Variants in ASH1L observed in about 807,000 individuals in gnomAD.
ASH1L encodes histone-lysine N-methyltransferase ASH1L.
ASH1L carries 23 observed loss-of-function variants against 269.0 expected under a neutral mutation model. The ratio of observed to expected loss-of-function variants is 0.09; its 90% CI spans 0.06 to 0.12. The LOEUF (loss-of-function observed/expected upper bound fraction) is 0.12. Ranked by LOEUF, ASH1L falls within the 10% of genes least tolerant of loss-of-function variation. ASH1L has a pLI of 1.00. For synonymous variants in ASH1L, 1,187 were observed against 1,253.5 expected, an observed-to-expected ratio of 0.95 and a Z score of 1.12; for missense variants, 2,912 against 3,567.8, an observed-to-expected ratio of 0.82 and a Z score of 4.68.
intron 12 of ASH1L, among the ~76,000 whole-genome samples, chr1:155,367,154 C>T (rs368308666): frequency 1.3e-5 from 2 of 151,800 alleles, no homozygotes; most frequent in African/African-American, 2.4e-5. Context: ...CCACCATGCC[C>T]GGCTAATTTT....
At chr1:155,491,427 A>G (rs1666777597) in intron 2 of ASH1L, among the ~76,000 whole-genome samples, 1 of 152,112 alleles carries the variant, frequency 6.6e-6, no homozygotes, top group Non-Finnish European at 1.5e-5. Context: ...TCAAATACTT[A>G]TGAAAAACTG....
chr1:155,481,764 T>C lies in ASH1L; in HGVS notation c.1106A>G (p.Asn369Ser). 6.2e-7 allele frequency: 1 copy of C among 1,614,208 alleles called. No individual in the cohort carries two copies. Among genetic ancestry groups the C allele is most frequent in the Non-Finnish European group, 8.5e-7 (1 of 1,180,020 alleles). The change falls in exon 3 of 28, where the codon AAT becomes AGT. Residue 369 changes from asparagine (N) to serine (S), a missense_variant. Asn to Ser is a conservative substitution (Grantham distance 46). This residue lies in a region of ASH1L where 277 missense variants were observed against 367.7 expected (regional missense o/e 0.75). Transcript: ENST00000392403. ...ACCCAATTTCTTTCCCAAATCTTTATTAACCAGTCCAACCACAGTGCCAAG... is the reference window on the plus strand; with the variant it reads ...ACCCAATTTCTTTCCCAAATCTTTACTAACCAGTCCAACCACAGTGCCAAG... ...LGLGTVVGLV[N>S]KDLGKKLGST...
intron 1 of ASH1L, among the ~76,000 whole-genome samples, chr1:155,546,924 C>T (rs1670866248): frequency 6.8e-6 from 1 of 147,296 alleles, no homozygotes; most frequent in African/African-American, 2.5e-5. Context: ...CTGGGAAAGA[C>T]TACAAAGGTT....
At chr1:155,527,460 TACCTG>T (rs374306174) in intron 1 of ASH1L, among the ~76,000 whole-genome samples, 11 of 151,944 alleles carry the variant, frequency 7.2e-5, no homozygotes, top group African/African-American at 2.7e-4. Context: ...CCTCTCATCT[TACCTG>T]ACCTATCAAC....
At chr1:155,500,127 C>T (rs1485384720) in intron 2 of ASH1L, among the ~76,000 whole-genome samples, 1 of 152,198 alleles carries the variant, frequency 6.6e-6, no homozygotes, top group Non-Finnish European at 1.5e-5. Context: ...TTGCTTTGCC[C>T]TTCCATTTAA....
chr1:155,477,459 A>G (rs1410915736), intron 3 of ASH1L, among the ~76,000 whole-genome samples: 1 of 151,722 alleles, frequency 6.6e-6, no homozygotes, highest in Non-Finnish European at 1.5e-5. Context: ...AGATGCATTT[A>G]TAACTACTGG....
chr1:155,501,715 C>T (rs1438845287), intron 2 of ASH1L, among the ~76,000 whole-genome samples: 6 of 151,742 alleles, frequency 4.0e-5, no homozygotes, highest in Admixed American at 3.3e-4. Context: ...CAGGCTGAAG[C>T]GCAGTGGCGC....
At chr1:155,488,851 A>G (rs1452563910) in intron 2 of ASH1L, among the ~76,000 whole-genome samples, 1 of 152,126 alleles carries the variant, frequency 6.6e-6, no homozygotes, top group Non-Finnish European at 1.5e-5. Context: ...TTAAGCATGT[A>G]ATTTTTTCCA....
At chr1:155,467,398 T>C (rs955133306) in intron 3 of ASH1L, among the ~76,000 whole-genome samples, 1 of 152,216 alleles carries the variant, frequency 6.6e-6, no homozygotes, top group African/African-American at 2.4e-5. Flanking sequence ...GTAATTTCAC[T>C]TGCATCAAGC....
intron 5 of ASH1L, chr1:155,433,939 G>A: frequency 3.2e-6 from 5 of 1,582,086 alleles, no homozygotes; most frequent in South Asian, 1.1e-5. Flanking sequence ...TGCAGTGCCC[G>A]AAACCCACAC....
At chr1:155,389,576 G>A (rs1293066609) in intron 7 of ASH1L, among the ~76,000 whole-genome samples, 3 of 151,908 alleles carry the variant, frequency 2.0e-5, no homozygotes, top group Non-Finnish European at 4.4e-5. Context: ...AGGAGGCTGA[G>A]GTGCAAGAAT....
chr1:155,438,433 G>C lies in ASH1L; in HGVS notation c.5722C>G (p.Pro1908Ala), dbSNP rs774474607. The change falls in exon 5 of 28, where the codon CCA (proline) becomes GCA (alanine). Residue 1908 changes from proline to alanine, a missense_variant. Physicochemically the swap from Pro to Ala is conservative, Grantham distance 27. Transcript: ENST00000392403. ...EAVVQSVNLN[P>A]EHKKGLKRKG... ...CTCTTCAACCCCTTTTTATGTTCTG[G>C]GTTCAGATTTACACTCTGAACAACA... The C allele has an allele frequency of 2.5e-6, 4 of 1,613,038 alleles. No homozygotes were observed. In the East Asian group the frequency reaches 6.7e-5, roughly 27 times the overall value.
chr1:155,558,779 G>A (rs1049950938), intron 1 of ASH1L, among the ~76,000 whole-genome samples: 3 of 149,750 alleles, frequency 2.0e-5, no homozygotes, highest in Admixed American at 6.7e-5. Context: ...TGATCCTCCT[G>A]GCTCAGCCTC....
At chr1:155,401,162 CA>C (rs1013217912) in intron 6 of ASH1L, among the ~76,000 whole-genome samples, 39 of 138,274 alleles carry the variant, frequency 2.8e-4, no homozygotes, top group Admixed American at 3.6e-4. Flanking sequence ...CTCTCTGTCT[CA>C]AAAAAAAAAA....
rs1659388619 is a variant in ASH1L, at chr1:155,407,425, C to G, written c.6008+8319G>C. On this transcript the variant is annotated intron_variant, in intron 6 of 27. Coordinates refer to ENST00000392403, the MANE Select transcript of ASH1L (RefSeq NM_018489.3). ...ACTATTTAACCCAGTAATTCAATTT[C>G]TAGGAACTTACCCTTAAGATATACC... is the stretch of plus-strand genomic sequence containing the variant. Among the ~76,000 whole-genome samples the G allele has an allele frequency of 2.6e-5, 4 of 152,112 alleles. No individual in the cohort carries two copies. In the South Asian group the frequency reaches 8.3e-4, roughly 31 times the overall value.
chr1:155,463,558 C>T (rs1291730901), intron 3 of ASH1L, among the ~76,000 whole-genome samples: 3 of 151,922 alleles, frequency 2.0e-5, no homozygotes, highest in African/African-American at 7.3e-5. Flanking sequence ...TTTGCTAGGC[C>T]GAGGTAGCCA....
intron 2 of ASH1L, among the ~76,000 whole-genome samples, chr1:155,518,052 G>A (rs1394903668): frequency 1.3e-5 from 2 of 151,740 alleles, no homozygotes; most frequent in African/African-American, 4.8e-5. Flanking sequence ...CGCCCGCCTC[G>A]GCCTCCCAAA....
intron 20 of ASH1L, 53 bp from the exon 21 acceptor site, chr1:155,346,522 T>C (rs1193113704): frequency 6.7e-7 from 1 of 1,498,820 alleles, no homozygotes; most frequent in Non-Finnish European, 9.3e-7. Context: ...TTATTGAGAG[T>C]GTCCTGGGAG....
Position 155,343,302 on chromosome 1 carries a change from C to A in ASH1L, c.8293+12G>T. On this transcript the variant is annotated intron_variant, in intron 24 of 27. Transcript: ENST00000392403. This position sits in a 1 kb window ranked among gnomAD's most constrained non-coding sequence, Gnocchi z 6.1. The stretch of plus-strand genomic sequence containing the variant: ...GGCCGAGGTCATTTTTTAACTAGCC[C>A]AGATCACTTACCTTTACAATACGTA... The A allele has an allele frequency of 6.2e-7, 1 of 1,607,064 alleles. No individual in the cohort carries two copies. Among genetic ancestry groups the A allele is most frequent in the South Asian group, 1.1e-5 (1 of 90,214 alleles).
Sources: gnomAD v4.1 joint callset for allele counts (sites outside exome capture counted in the v4.1 genomes callset) on GRCh38, gnomAD v4.1.1 for gene constraint, gnomAD v4.1.1 regional missense constraint, Gnocchi (gnomAD v3.1) non-coding constraint, MANE v1.5 for transcripts, NCBI Gene and HGNC (gene_info 2026-07-23, HGNC 2026-07-21) for gene names.